ATP1B3: variants seen among roughly 807,000 people sequenced by gnomAD.
The protein encoded by ATP1B3 is sodium/potassium-transporting ATPase subunit beta-3.
A neutral mutation model predicts 30.2 loss-of-function variants in ATP1B3; 10 were observed. The ratio of observed to expected loss-of-function variants is 0.33; its 90% CI spans 0.20 to 0.56. The LOEUF (loss-of-function observed/expected upper bound fraction) is 0.56. Among genes scored for constraint, ATP1B3 ranks in the 20% least tolerant of loss-of-function variants. The probability of loss-of-function intolerance (pLI) is 0.90; values close to 1 mark genes in which losing one functional copy is unlikely to be tolerated. For missense variants in ATP1B3, 238 were observed against 336.7 expected, an observed-to-expected ratio of 0.71 and a Z score of 2.29; for synonymous variants, 113 against 117.0, an observed-to-expected ratio of 0.97 and a Z score of 0.22.
rs1344998427 is a variant in ATP1B3, at chr3:141,886,550, C to CA, written c.109+9640_109+9641insA. Among the ~76,000 whole-genome samples the CA allele has an allele frequency of 3.3e-5, 5 of 152,210 alleles. No homozygotes were observed. In the South Asian group the frequency reaches 8.3e-4, roughly 25 times the overall value. On this transcript the variant is annotated intron_variant, in intron 1 of 6. Transcript: ENST00000286371. The stretch of plus-strand genomic sequence containing the variant: ...ATAGGGCATCATAATAAAAAGTGAA[C>CA]TGGTAGGTTTATATATTTTTACTTG...
chr3:141,878,054 G>T (rs1026513476), intron 1 of ATP1B3, among the ~76,000 whole-genome samples: 1 of 152,152 alleles, frequency 6.6e-6, no homozygotes, highest in Non-Finnish European at 1.5e-5. Flanking sequence ...GACTCCTTCA[G>T]GGTGAAAAGG....
chr3:141,918,875 G>C (rs892398630), intron 5 of ATP1B3: 1 of 152,240 alleles, frequency 6.6e-6, no homozygotes, highest in Admixed American at 6.5e-5. Context: ...TTGCTTTGGA[G>C]AGAGGTGTGT....
intron 1 of ATP1B3, among the ~76,000 whole-genome samples, chr3:141,895,324 G>C (rs1034854712): frequency 6.6e-6 from 1 of 151,706 alleles, no homozygotes; most frequent in Admixed American, 6.6e-5. Flanking sequence ...GAGTAGCTAG[G>C]ATTACAGGTG....
chr3:141,909,472 T>A (rs1428004100), intron 3 of ATP1B3, among the ~76,000 whole-genome samples: 3 of 151,946 alleles, frequency 2.0e-5, no homozygotes. Flanking sequence ...AGGATTGTGG[T>A]TTTTACATGC....
chr3:141,888,366 A>C (rs2107765545), intron 1 of ATP1B3, among the ~76,000 whole-genome samples: 1 of 152,280 alleles, frequency 6.6e-6, no homozygotes, highest in Non-Finnish European at 1.5e-5. Context: ...TATGTATATA[A>C]ACATGTTTCT....
intron 3 of ATP1B3, among the ~76,000 whole-genome samples, chr3:141,911,211 G>C (rs938212842): frequency 1.3e-5 from 2 of 151,596 alleles, no homozygotes; most frequent in Non-Finnish European, 2.9e-5. Context: ...CTGTTTGTTG[G>C]GTCTTAGACC....
In ATP1B3 at chr3:141,925,981, T is replaced by A. The variant is rs1397413119; in HGVS notation, c.*280T>A. ...TAGGATGGGGGTCTTGTCCTCTTTT[T>A]ATGTGGTTTAATTGCCAAGTGTCTA... is the stretch of plus-strand genomic sequence containing the variant. On this transcript the variant is annotated 3_prime_UTR_variant, in exon 7 of 7. Transcript: ENST00000286371. The A allele has an allele frequency of 6.0e-6, 2 of 334,292 alleles. No individual in the cohort carries two copies. The highest frequency in any genetic ancestry group is 1.1e-5 in the Non-Finnish European group (2 of 183,892). The allele number at this position is 334,292 out of a possible 1,614,324, so 20.7% of individuals were successfully genotyped here.
intron 1 of ATP1B3, among the ~76,000 whole-genome samples, chr3:141,898,531 G>A (rs1306963970): frequency 6.6e-6 from 1 of 152,152 alleles, no homozygotes; most frequent in Non-Finnish European, 1.5e-5. Flanking sequence ...TAGGGAAAAT[G>A]CAAATTAAAC....
intron 1 of ATP1B3, among the ~76,000 whole-genome samples, chr3:141,897,976 C>G (rs1934099365): frequency 6.6e-6 from 1 of 152,192 alleles, no homozygotes; most frequent in African/African-American, 2.4e-5. Flanking sequence ...TCTCAAAGTG[C>G]TGGGATTATA....
rs386398103 is a variant in ATP1B3, at chr3:141,892,651, CAAAAA to C, written c.110-10948_110-10944del. ...AGCCTGGGTGACAGTGAGACTGTCT[CAAAAA>C]AAAAAAAAAAAAAAAAAAAACAGTT... is the stretch of plus-strand genomic sequence containing the variant. On this transcript the variant is annotated intron_variant, in intron 1 of 6. Transcript: ENST00000286371. Among the ~76,000 whole-genome samples, 41 of 70,012 alleles carry C rather than the reference CAAAAA, an allele frequency of 5.9e-4. No individual in the cohort carries two copies. In the South Asian group the frequency reaches 0.01, roughly 18 times the overall value. 45.9% of individuals were successfully genotyped at this position (70,012 alleles called of 152,430 possible).
At chr3:141,917,379 A>G (rs933644721) in intron 5 of ATP1B3, among the ~76,000 whole-genome samples, 2 of 152,148 alleles carry the variant, frequency 1.3e-5, no homozygotes, top group African/African-American at 4.8e-5. Flanking sequence ...TGCCACAGAC[A>G]GCTCAATGGG....
At chr3:141,918,877 G>C (rs1261015694) in intron 5 of ATP1B3, 1 of 152,234 alleles carries the variant, frequency 6.6e-6, no homozygotes, top group African/African-American at 2.4e-5. Flanking sequence ...GCTTTGGAGA[G>C]AGGTGTGTGA....
chr3:141,904,537 A>G (rs1934228455), intron 2 of ATP1B3, among the ~76,000 whole-genome samples: 1 of 152,034 alleles, frequency 6.6e-6, no homozygotes, highest in South Asian at 2.1e-4. Flanking sequence ...AAGTTGTTAA[A>G]TAATGATACC....
chr3:141,883,139 G>A (rs1488295250), intron 1 of ATP1B3, among the ~76,000 whole-genome samples: 2 of 152,066 alleles, frequency 1.3e-5, no homozygotes, highest in Non-Finnish European at 2.9e-5. Flanking sequence ...TGTTGGTCTG[G>A]CTGATCAGAT....
intron 1 of ATP1B3, among the ~76,000 whole-genome samples, chr3:141,899,643 G>A (rs1241232238): frequency 6.6e-6 from 1 of 152,198 alleles, no homozygotes; most frequent in Non-Finnish European, 1.5e-5. Context: ...GCTGAGGCAG[G>A]CAGATCACCT....
Position 141,924,067 on chromosome 3 carries a change from G to A in ATP1B3, c.670-1464G>A, listed in dbSNP as rs182671916. Reference sequence around the variant, plus strand: ...AAAATTAAAAAGCTCGTTACTGCCTGGCACGGTGGCTCACGCCTGTAATCC... The same window carrying A: ...AAAATTAAAAAGCTCGTTACTGCCTAGCACGGTGGCTCACGCCTGTAATCC... On this transcript the variant is annotated intron_variant, in intron 6 of 6. Transcript: ENST00000286371. 3.3e-5 allele frequency among the ~76,000 whole-genome samples: 5 copies of A among 152,346 alleles called. No homozygotes were observed. In the East Asian group the frequency reaches 7.7e-4, roughly 23 times the overall value.
chr3:141,889,818 TATATAC>T (rs1180618584), intron 1 of ATP1B3, among the ~76,000 whole-genome samples: 1 of 144,314 alleles, frequency 6.9e-6, no homozygotes, highest in African/African-American at 2.5e-5. Context: ...TATATGTGTG[TATATAC>T]ATATACATAT....
intron 5 of ATP1B3, among the ~76,000 whole-genome samples, chr3:141,916,776 A>G (rs1349389023): frequency 1.3e-5 from 2 of 152,158 alleles, no homozygotes; most frequent in Admixed American, 1.3e-4. Flanking sequence ...TTCAAACTTG[A>G]TCACTCATCA....
intron 5 of ATP1B3, among the ~76,000 whole-genome samples, chr3:141,917,011 C>G (rs1218601585): frequency 7.3e-6 from 1 of 137,400 alleles, no homozygotes; most frequent in East Asian, 2.2e-4. Flanking sequence ...CAGGCGCTCC[C>G]GGCTAATTTT....
Sources: allele counts gnomAD v4.1 joint callset (sites outside exome capture counted in the v4.1 genomes callset), GRCh38; gene constraint gnomAD v4.1.1; transcripts MANE v1.5; gene names NCBI Gene and HGNC (gene_info 2026-07-23, HGNC 2026-07-21).